The following DCC variants were observed in gnomAD, a reference collection of about 807,000 sequenced individuals.
DCC encodes netrin receptor DCC.
DCC carries 58 observed loss-of-function variants against 172.5 expected under a neutral mutation model. The ratio of observed to expected loss-of-function variants is 0.34; its 90% confidence interval spans 0.27 to 0.42. The LOEUF is 0.42. DCC is among the 10% of genes least tolerant of loss of function. The pLI is 1.00. For missense variants in DCC, 1,740 were observed against 1,791.0 expected (o/e 0.97, Z 0.51); for synonymous variants, 709 against 644.5 (o/e 1.10, Z -1.52).
chr18:53,207,964 A>G (rs2144559482), intron 11 of DCC, 147 bp downstream of exon 11: 4 of 731,570 alleles, frequency 5.5e-6, no homozygotes, highest in South Asian at 4.7e-5. Context: ...TAAACTTTCT[A>G]TCAAGATACA....
intron 21 of DCC, among the ~76,000 whole-genome samples, chr18:53,429,736 A>G (rs1298975013): frequency 1.3e-5 from 2 of 152,138 alleles, no homozygotes; most frequent in Non-Finnish European, 1.5e-5. Context: ...GTTTTGAAGA[A>G]GGGAAAGCAG....
intron 1 of DCC, among the ~76,000 whole-genome samples, chr18:52,454,916 A>G (rs2144524226): frequency 6.6e-6 from 1 of 152,338 alleles, no homozygotes; most frequent in Non-Finnish European, 1.5e-5. Flanking sequence ...ATACAATTCC[A>G]GTATTAACTA....
At chr18:52,651,180 TG>T (rs1025630862) in intron 1 of DCC, among the ~76,000 whole-genome samples, 2 of 152,272 alleles carry the variant, frequency 1.3e-5, no homozygotes, top group African/African-American at 4.8e-5. Flanking sequence ...ATTTATTTTT[TG>T]AGAGTAGGTG....
At chr18:53,241,438 A>G (rs1370129081) in intron 12 of DCC, among the ~76,000 whole-genome samples, 1 of 152,138 alleles carries the variant, frequency 6.6e-6, no homozygotes, top group African/African-American at 2.4e-5. Context: ...GTGGACCAAC[A>G]TAGACAAGGG....
intron 5 of DCC, among the ~76,000 whole-genome samples, chr18:52,989,813 G>A (rs1310142017): frequency 6.6e-6 from 1 of 152,116 alleles, no homozygotes; most frequent in Non-Finnish European, 1.5e-5. Context: ...ACTAGGACTG[G>A]AGTAGCAGAA....
chr18:52,652,419 C>G (rs1293604194), intron 1 of DCC, among the ~76,000 whole-genome samples: 1 of 152,146 alleles, frequency 6.6e-6, no homozygotes, highest in Non-Finnish European at 1.5e-5. Context: ...TATTTTATTT[C>G]TATGGATTTT....
At chr18:52,742,178 T>A (rs2036832039) in intron 1 of DCC, among the ~76,000 whole-genome samples, 1 of 152,256 alleles carries the variant, frequency 6.6e-6, no homozygotes, top group African/African-American at 2.4e-5. Flanking sequence ...GAAACAAATC[T>A]TTTTAAGCCA....
chr18:52,573,700 G>C (rs1361518213), intron 1 of DCC, among the ~76,000 whole-genome samples: 1 of 152,134 alleles, frequency 6.6e-6, no homozygotes, highest in Non-Finnish European at 1.5e-5. Context: ...TCTAAGATCA[G>C]AGAATTTTCT....
At chr18:53,304,778 G>A (rs1219916967) in intron 12 of DCC, among the ~76,000 whole-genome samples, 1 of 152,124 alleles carries the variant, frequency 6.6e-6, no homozygotes, top group Non-Finnish European at 1.5e-5. Context: ...GCTTTTCATT[G>A]CCTTGCTTTT....
At chr18:52,899,717 A>G (rs990210183) in intron 2 of DCC, among the ~76,000 whole-genome samples, 6 of 151,920 alleles carry the variant, frequency 3.9e-5, no homozygotes, top group Non-Finnish European at 2.9e-5. Flanking sequence ...GTTGGTCTCA[A>G]ACTCCTGTCC....
intron 2 of DCC, among the ~76,000 whole-genome samples, chr18:52,838,086 GAC>G (rs1339884920): frequency 2.0e-5 from 3 of 152,146 alleles, no homozygotes; most frequent in Non-Finnish European, 2.9e-5. Context: ...CTCCTCACAT[GAC>G]ACATGGGGAT....
chr18:53,135,750 T>A (rs905737355), intron 7 of DCC, among the ~76,000 whole-genome samples: 1 of 152,164 alleles, frequency 6.6e-6, no homozygotes, highest in Non-Finnish European at 1.5e-5. Flanking sequence ...CTGAATGGAA[T>A]AACAGAATTT....
intron 12 of DCC, among the ~76,000 whole-genome samples, chr18:53,301,232 G>A (rs1312519345): frequency 6.6e-6 from 1 of 151,680 alleles, no homozygotes; most frequent in Admixed American, 6.6e-5. Context: ...TGGGATTACA[G>A]GCATGCGCTA....
chr18:53,303,678 G>A (rs1404506068), intron 12 of DCC, among the ~76,000 whole-genome samples: 3 of 152,152 alleles, frequency 2.0e-5, no homozygotes, highest in African/African-American at 7.2e-5. Flanking sequence ...GCAGGAGCTA[G>A]GGTGAGCACT....
chr18:52,529,415 C>G (rs888107608), intron 1 of DCC, among the ~76,000 whole-genome samples: 9 of 152,086 alleles, frequency 5.9e-5, no homozygotes, highest in Non-Finnish European at 1.0e-4. Flanking sequence ...CTCAGCCTCC[C>G]GAGTAGCTGG....
chr18:52,640,741 A>G (rs770547475), intron 1 of DCC, among the ~76,000 whole-genome samples: 2 of 152,096 alleles, frequency 1.3e-5, no homozygotes, highest in Non-Finnish European at 2.9e-5. Context: ...AAACACATCA[A>G]ATGTTCATGG....
At chr18:52,774,229 A>G (rs1174866633) in intron 2 of DCC, among the ~76,000 whole-genome samples, 2 of 152,170 alleles carry the variant, frequency 1.3e-5, no homozygotes, top group African/African-American at 2.4e-5. Context: ...GTGGAGCCCA[A>G]ACAATCCATG....
At chr18:52,761,174 T>A (rs758163048) in intron 2 of DCC, among the ~76,000 whole-genome samples, 6 of 152,200 alleles carry the variant, frequency 3.9e-5, no homozygotes, top group Admixed American at 3.3e-4. Context: ...ACATCTTACA[T>A]GGATGGTGGC....
At position 52,404,943 on chromosome 18, in the gene DCC, G is replaced by A. The variant is rs1191434773; in HGVS notation, c.91+64065G>A. 4.0e-5 allele frequency among the ~76,000 whole-genome samples: 6 copies of A among 151,628 alleles called. No individual in the cohort carries two copies. The East Asian group carries it at 9.8e-4, about 25-fold the overall frequency. On this transcript the variant is annotated intron_variant, in intron 1 of 28. Coordinates refer to ENST00000442544, the MANE Select transcript of DCC (RefSeq NM_005215.4). Reference sequence around the variant, plus strand: ...TTTTTTGTTCTTGTGACAGTTTACTGAGAATGATGATTTCCAATTTCATCC... The same window carrying A: ...TTTTTTGTTCTTGTGACAGTTTACTAAGAATGATGATTTCCAATTTCATCC...
Sources: allele counts gnomAD v4.1 joint callset (sites outside exome capture counted in the v4.1 genomes callset), GRCh38; gene constraint gnomAD v4.1.1; transcripts MANE v1.5; gene names NCBI Gene and HGNC (gene_info 2026-07-23, HGNC 2026-07-21).